Variants in AMBRA1 observed in about 807,000 individuals in gnomAD.
The protein encoded by AMBRA1 is activating molecule in BECN1-regulated autophagy protein 1.
A neutral mutation model predicts 125.4 loss-of-function variants in AMBRA1; 47 were observed. The ratio of observed to expected loss-of-function variants is 0.37; its 90% CI spans 0.30 to 0.48. The LOEUF (loss-of-function observed/expected upper bound fraction) is 0.48. Ranked by LOEUF, AMBRA1 falls within the 20% of genes least tolerant of loss-of-function variation. The probability of loss-of-function intolerance (pLI) is 0.99; values close to 1 mark genes in which losing one functional copy is unlikely to be tolerated. For missense variants in AMBRA1, 1,331 were observed against 1,693.4 expected, an observed-to-expected ratio of 0.79 and a Z score of 3.76; for synonymous variants, 626 against 655.5, an observed-to-expected ratio of 0.95 and a Z score of 0.69.
intron 7 of AMBRA1, among the ~76,000 whole-genome samples, chr11:46,536,296 T>C (rs906030760): frequency 2.0e-5 from 3 of 152,070 alleles, no homozygotes; most frequent in African/African-American, 7.2e-5. Context: ...GACGGAAAGG[T>C]AAACAAATAA....
At chr11:46,401,366 G>A (rs1292687466) in intron 17 of AMBRA1, among the ~76,000 whole-genome samples, 2 of 152,162 alleles carry the variant, frequency 1.3e-5, no homozygotes, top group African/African-American at 2.4e-5. Context: ...TCAGCCTCCC[G>A]AGTAGCTGGG....
Position 46,568,633 on chromosome 11 carries a change from G to A in AMBRA1, c.-120-20133C>T, listed in dbSNP as rs529988691. ...TAAAAAGATATAAAATAAGCCGGGC[G>A]TGGTGGCACATGCCTGTAATCCCAG... is the stretch of plus-strand genomic sequence containing the variant. On this transcript the variant is annotated intron_variant, in intron 1 of 17. Coordinates refer to ENST00000683756, the MANE Select transcript of AMBRA1 (RefSeq NM_001387011.1). Among the ~76,000 whole-genome samples the A allele has an allele frequency of 5.9e-5, 9 of 151,470 alleles. No individual in the cohort carries two copies. In the East Asian group the frequency reaches 6.0e-4, roughly 10 times the overall value.
At chr11:46,541,727 G>T (rs1412649477) in intron 7 of AMBRA1, among the ~76,000 whole-genome samples, 2 of 152,342 alleles carry the variant, frequency 1.3e-5, no homozygotes, top group East Asian at 1.9e-4. Flanking sequence ...CTTGAGCTTA[G>T]CCGAAATAGA....
Position 46,547,885 on chromosome 11 carries a change from A to C in AMBRA1, c.136-10T>G, listed in dbSNP as rs771654209. ...CCGGCAGTTCTACTCTCTGGGAGAC[A>C]AAAAAAAAAAAAAAGTTAAAATACA... On this transcript the variant is annotated splice_polypyrimidine_tract_variant and intron_variant, in intron 2 of 17. Coordinates refer to ENST00000683756, the MANE Select transcript of AMBRA1 (RefSeq NM_001387011.1). 1.1e-5 allele frequency: 2 copies of C among 180,244 alleles called. No homozygotes were observed. Among genetic ancestry groups the C allele is most frequent in the Non-Finnish European group, 2.0e-5 (2 of 99,682 alleles). 11.2% of individuals were successfully genotyped at this position (180,244 alleles called of 1,614,324 possible). A position where few individuals can be genotyped will look rare whatever the true frequency, so the allele number is the denominator to read the frequency against.
chr11:46,588,718 T>C (rs1197058927), intron 1 of AMBRA1, among the ~76,000 whole-genome samples: 1 of 147,804 alleles, frequency 6.8e-6, no homozygotes, highest in East Asian at 2.0e-4. Context: ...GAGGATGCAG[T>C]GAGCCGAGAT....
chr11:46,593,400 T>C (rs2044676772), intron 1 of AMBRA1, among the ~76,000 whole-genome samples: 1 of 152,020 alleles, frequency 6.6e-6, no homozygotes, highest in Non-Finnish European at 1.5e-5. Flanking sequence ...AGGGCCTTGT[T>C]CCATAAGCCT....
intron 11 of AMBRA1, among the ~76,000 whole-genome samples, chr11:46,447,713 TA>T: frequency 0.014 from 2 of 148 alleles, no homozygotes; most frequent in South Asian, 0.25. Context: ...ATCTTGTAGA[TA>T]GATAGATAGA....
chr11:46,573,443 T>A (rs1591162692), intron 1 of AMBRA1, among the ~76,000 whole-genome samples: 1 of 151,742 alleles, frequency 6.6e-6, no homozygotes, highest in Non-Finnish European at 1.5e-5. Flanking sequence ...AGTCCATGCA[T>A]TTTTCCTGCT....
At chr11:46,516,685 G>C (rs11038909) in intron 7 of AMBRA1, among the ~76,000 whole-genome samples, 4 of 151,852 alleles carry the variant, frequency 2.6e-5, no homozygotes. Flanking sequence ...CGCCCACCTC[G>C]GCCTCCCAAA....
intron 7 of AMBRA1, among the ~76,000 whole-genome samples, chr11:46,516,423 C>CTTTTTTTTT (rs1162985350): frequency 2.3e-4 from 17 of 73,180 alleles, no homozygotes; most frequent in East Asian, 4.3e-4. Context: ...AAAGATCTTT[C>CTTTTTTTTT]TTTTTTTTTT....
chr11:46,519,839 T>C (rs1951679387), intron 7 of AMBRA1, among the ~76,000 whole-genome samples: 1 of 152,130 alleles, frequency 6.6e-6, no homozygotes, highest in African/African-American at 2.4e-5. Flanking sequence ...CAGGACTCCT[T>C]TAACACTCTT....
chr11:46,526,746 A>G (rs1174276657), intron 7 of AMBRA1, among the ~76,000 whole-genome samples: 1 of 151,718 alleles, frequency 6.6e-6, no homozygotes, highest in Non-Finnish European at 1.5e-5. Context: ...AAAAAAAACC[A>G]TGAAAAATAA....
At chr11:46,453,866 C>T (rs1329587301) in intron 11 of AMBRA1, among the ~76,000 whole-genome samples, 3 of 152,174 alleles carry the variant, frequency 2.0e-5, no homozygotes, top group Non-Finnish European at 4.4e-5. Context: ...AATCATTAAA[C>T]AAGTTTGCAA....
At chr11:46,398,859 C>T (rs1423122507) in intron 17 of AMBRA1, among the ~76,000 whole-genome samples, 1 of 151,922 alleles carries the variant, frequency 6.6e-6, no homozygotes, top group Non-Finnish European at 1.5e-5. Flanking sequence ...CTGCAACCTC[C>T]GCCTCCCGGG....
At chr11:46,409,607 A>C (rs926253892) in intron 16 of AMBRA1, among the ~76,000 whole-genome samples, 1 of 152,178 alleles carries the variant, frequency 6.6e-6, no homozygotes, top group African/African-American at 2.4e-5. Context: ...GGTTCTGGCC[A>C]ATGCTAGCAT....
Position 46,593,878 on chromosome 11 carries a change from A to C in AMBRA1, c.-171T>G, listed in dbSNP as rs2094780636. ...TGCAGTCCAGCGAACGGGCTGAGCC[A>C]CAGGGAAAAAGAAAGAGGAGACAGG... On this transcript the variant is annotated 5_prime_UTR_variant, in exon 1 of 18. Coordinates refer to ENST00000683756, the MANE Select transcript of AMBRA1 (RefSeq NM_001387011.1). 2.5e-6 allele frequency: 1 copy of C among 398,068 alleles called. No homozygotes were observed. The highest frequency in any genetic ancestry group is 3.6e-5 in the East Asian group (1 of 28,062). 24.7% of individuals were successfully genotyped at this position (398,068 alleles called of 1,614,324 possible).
chr11:46,585,665 CAAAAAAAAAAAAAAAAA>C (rs1157368065), intron 1 of AMBRA1, among the ~76,000 whole-genome samples: 17 of 7,598 alleles, frequency 2.2e-3, no homozygotes, highest in African/African-American at 0.013. Flanking sequence ...GACTCCATCT[CAAAAAAAAAAAAAAAAA>C]AAAAAAAAAA....
rs566868782 is a variant in AMBRA1, at chr11:46,488,931, C to T, written c.2521+4677G>A. 1.3e-4 allele frequency among the ~76,000 whole-genome samples: 20 copies of T among 152,248 alleles called. No homozygotes were observed. In the East Asian group the frequency reaches 3.3e-3, roughly 25 times the overall value. On this transcript the variant is annotated intron_variant, in intron 11 of 17. Coordinates refer to ENST00000683756, the MANE Select transcript of AMBRA1 (RefSeq NM_001387011.1). ...TTTTGTTTTTTTGTGTTTTTTGAGA[C>T]GGAGTCTTGCTCTGTCGCCCAAGTG...
chr11:46,581,269 T>A (rs1170852810), intron 1 of AMBRA1, among the ~76,000 whole-genome samples: 1 of 151,520 alleles, frequency 6.6e-6, no homozygotes, highest in African/African-American at 2.4e-5. Flanking sequence ...GGTCAGAAGT[T>A]CAAGACCAGC....
Sources: gnomAD v4.1 joint callset for allele counts (sites outside exome capture counted in the v4.1 genomes callset) on GRCh38, gnomAD v4.1.1 for gene constraint, MANE v1.5 for transcripts, NCBI Gene and HGNC (gene_info 2026-07-23, HGNC 2026-07-21) for gene names.